Variants in SFI1 observed in about 807,000 individuals in gnomAD.
SFI1 encodes the protein protein SFI1 homolog.
In SFI1, 195 loss-of-function variants were observed where a neutral mutation model predicts 207.5. That is an observed-to-expected ratio of 0.94 (90% CI 0.84 to 1.06). The LOEUF (loss-of-function observed/expected upper bound fraction) is 1.06. Ranked by LOEUF, SFI1 falls within the 50% of genes least tolerant of loss-of-function variation. SFI1 has a pLI of 0.00. For missense variants in SFI1, 1,634 were observed against 1,588.0 expected (o/e 1.03, Z -0.49); for synonymous variants, 630 against 598.9 (o/e 1.05, Z -0.76).
chr22:31,581,715 AT>A (rs1467172109), intron 12 of SFI1, among the ~76,000 whole-genome samples: 3 of 151,998 alleles, frequency 2.0e-5, no homozygotes, highest in South Asian at 2.1e-4. Flanking sequence ...TTGGTGTAGG[AT>A]TTTTTTCCCT....
Position 31,614,805 on chromosome 22 carries a change from G to T in SFI1, c.3013G>T (p.Ala1005Ser). The change falls in exon 28 of 33, where the codon GCG (alanine) becomes TCG (serine). Residue 1005 changes from alanine to serine, a missense_variant. Transcript: ENST00000400288. Reference sequence around the variant, plus strand: ...TCTTTCCAGCAACACTGCCCACTCAGCGAGGAAGCAGCCGCGACGCCCACA... The same window carrying T: ...TCTTTCCAGCAACACTGCCCACTCATCGAGGAAGCAGCCGCGACGCCCACA... ...HALELNTAHS[A>S]RKQPRRPHFL... 6.2e-7 allele frequency: 1 copy of T among 1,613,876 alleles called. No homozygotes were observed. The highest frequency in any genetic ancestry group is 1.1e-5 in the South Asian group (1 of 91,086).
At chr22:31,579,639 A>G (rs2063881339) in intron 11 of SFI1, among the ~76,000 whole-genome samples, 6 of 151,952 alleles carry the variant, frequency 3.9e-5, no homozygotes, top group Admixed American at 3.9e-4. Context: ...TTTTATACAG[A>G]CGGAGTCTCC....
intron 6 of SFI1, among the ~76,000 whole-genome samples, chr22:31,553,954 G>T (rs1351131879): frequency 1.5e-5 from 2 of 135,002 alleles, no homozygotes; most frequent in African/African-American, 5.5e-5. Context: ...TCTGACCTCA[G>T]CCTCCCAAGT....
chr22:31,613,281 G>A, intron 25 of SFI1, 65 bp downstream of exon 25: 1 of 1,607,868 alleles, frequency 6.2e-7, no homozygotes, highest in Non-Finnish European at 8.5e-7. Context: ...GCCTTGGGTG[G>A]AGGGAGGGCA....
At chr22:31,559,464 C>A (rs749942574) in intron 7 of SFI1, 2 of 454,448 alleles carry the variant, frequency 4.4e-6, no homozygotes, top group East Asian at 9.8e-5. Context: ...GCCTACACAC[C>A]GCCAGTTGTG....
chr22:31,558,068 C>T (rs1236782027), intron 7 of SFI1, among the ~76,000 whole-genome samples: 1 of 152,168 alleles, frequency 6.6e-6, no homozygotes, highest in Non-Finnish European at 1.5e-5. Context: ...ATCCCTCTTC[C>T]AACCTGTATT....
At position 31,615,045 on chromosome 22, in the gene SFI1, C is replaced by T. The variant is rs1308179679; in HGVS notation, c.3069-3C>T. The T allele has an allele frequency of 6.2e-7, 1 of 1,611,548 alleles. No individual in the cohort carries two copies. Among genetic ancestry groups the T allele is most frequent in the Admixed American group, 1.7e-5 (1 of 59,760 alleles). The stretch of plus-strand genomic sequence containing the variant: ...ACCAGGCTCTTGCCTTCCCTGTGCT[C>T]AGGCCTCAGAAGCCACAGGAACATG... On this transcript the variant is annotated splice_polypyrimidine_tract_variant and splice_region_variant and intron_variant, in intron 28 of 32. Transcript: ENST00000400288.
At chr22:31,522,314 T>A (rs2057377971) in intron 2 of SFI1, among the ~76,000 whole-genome samples, 1 of 152,120 alleles carries the variant, frequency 6.6e-6, no homozygotes. Flanking sequence ...TGCCTCAGCC[T>A]CCCAAAGTGG....
chr22:31,573,298 G>A (rs1027742556), intron 9 of SFI1, 84 bp downstream of exon 9: 10 of 1,420,942 alleles, frequency 7.0e-6, no homozygotes, highest in African/African-American at 1.4e-5. Flanking sequence ...GTACTAAGAA[G>A]TAATATAATG....
At chr22:31,568,531 CAAAAAAAA>C (rs60447566) in intron 8 of SFI1, among the ~76,000 whole-genome samples, 5 of 37,432 alleles carry the variant, frequency 1.3e-4, no homozygotes, top group African/African-American at 1.0e-4. Flanking sequence ...GACCCTGTCT[CAAAAAAAA>C]AAAAAAAAAA....
intron 2 of SFI1, among the ~76,000 whole-genome samples, chr22:31,509,846 A>G (rs2146666622): frequency 6.6e-6 from 1 of 152,172 alleles, no homozygotes; most frequent in South Asian, 2.1e-4. Context: ...TGATGGCGAT[A>G]CTGGTCTCAA....
chr22:31,511,102 G>A (rs1811269723), intron 2 of SFI1, among the ~76,000 whole-genome samples: 1 of 152,128 alleles, frequency 6.6e-6, no homozygotes, highest in Admixed American at 6.6e-5. Context: ...AGAGAGAACT[G>A]TTTGAGACCT....
At chr22:31,588,507 A>G (rs116764720) in intron 14 of SFI1, among the ~76,000 whole-genome samples, 3,616 of 152,314 alleles carry the variant, frequency 0.024, 127 homozygotes, top group African/African-American at 0.082. Flanking sequence ...ATTTGCAGCC[A>G]TGTTTTTAAA....
At chr22:31,498,923 T>A (rs2053242694) in intron 1 of SFI1, among the ~76,000 whole-genome samples, 1 of 146,170 alleles carries the variant, frequency 6.8e-6, no homozygotes, top group Non-Finnish European at 1.5e-5. Context: ...CATGGCACAC[T>A]CTTGACCTCC....
At chr22:31,580,442 T>C (rs1603154233) in intron 12 of SFI1, 78 bp downstream of exon 12, 2 of 1,220,638 alleles carry the variant, frequency 1.6e-6, no homozygotes, top group Non-Finnish European at 2.3e-6. Flanking sequence ...CTTGCCAAAT[T>C]AAGCAGAACT....
chr22:31,566,118 C>CT (rs1323827624), intron 8 of SFI1, among the ~76,000 whole-genome samples: 20 of 142,786 alleles, frequency 1.4e-4, no homozygotes, highest in African/African-American at 3.3e-4. Flanking sequence ...CATTCTTTTT[C>CT]TATTTTTTTT....
At chr22:31,589,677 C>T in intron 15 of SFI1, 100 bp downstream of exon 15, 2 of 1,336,932 alleles carry the variant, frequency 1.5e-6, no homozygotes, top group Admixed American at 2.5e-5. Flanking sequence ...TCCCAGACCC[C>T]AGGCCCTAGT....
At position 31,603,835 on chromosome 22, in the gene SFI1, G is replaced by A. The variant is rs752753380; in HGVS notation, c.1881+16G>A. The A allele has an allele frequency of 1.5e-5, 24 of 1,573,308 alleles. No individual in the cohort carries two copies. Among genetic ancestry groups the A allele is most frequent in the Non-Finnish European group, 1.9e-5 (22 of 1,167,234 alleles). On this transcript the variant is annotated intron_variant, in intron 18 of 32. Coordinates refer to ENST00000400288, the MANE Select transcript of SFI1 (RefSeq NM_001007467.3). ...GTGGAGGGAGGTAAGGCTTTGGTGCGAGGTGCCACCCGTGTATGACTTTTG... is the reference window on the plus strand; with the variant it reads ...GTGGAGGGAGGTAAGGCTTTGGTGCAAGGTGCCACCCGTGTATGACTTTTG...
chr22:31,500,277 CAAAAA>C (rs150915256), intron 1 of SFI1, among the ~76,000 whole-genome samples: 22 of 98,416 alleles, frequency 2.2e-4, no homozygotes, highest in African/African-American at 7.3e-4. Flanking sequence ...GACTCTGTCT[CAAAAA>C]AAAAAAAAAA....
Sources: gnomAD v4.1 joint callset for allele counts (sites outside exome capture counted in the v4.1 genomes callset) on GRCh38, gnomAD v4.1.1 for gene constraint, MANE v1.5 for transcripts, NCBI Gene and HGNC (gene_info 2026-07-23, HGNC 2026-07-21) for gene names.